Variants in GNPTG observed in about 807,000 individuals in gnomAD.
GNPTG encodes N-acetylglucosamine-1-phosphotransferase subunit gamma.
GNPTG carries 46 observed loss-of-function variants against 43.8 expected under a neutral mutation model. The observed-to-expected ratio is 1.05, with a 90% CI of 0.83 to 1.34. The LOEUF (loss-of-function observed/expected upper bound fraction) is 1.34. Ranked by LOEUF, GNPTG falls within the 40% of genes most tolerant of loss-of-function variation. The pLI is 0.00. For missense variants in GNPTG, 549 were observed against 411.3 expected (o/e 1.33, Z -2.90); for synonymous variants, 250 against 172.8 (o/e 1.45, Z -3.50).
Position 1,361,744 on chromosome 16 carries a change from A to T in GNPTG, c.180A>T (p.Gly60=), listed in dbSNP as rs767895135. Residue 60 remains glycine, a splice_region_variant and synonymous_variant, in exon 4 of 11, where the codon GGA becomes GGT. Coordinates refer to ENST00000204679, the MANE Select transcript of GNPTG (RefSeq NM_032520.5). The stretch of plus-strand genomic sequence containing the variant: ...GGATCAGTGTGAGGTCTCTTCCAGG[A>T]CCCGTGCATCTCTTCCGACTCTCGG... ...QAKRDPSPVS[G]PVHLFRLSGK... The T allele has an allele frequency of 3.1e-6, 5 of 1,613,634 alleles. No individual in the cohort carries two copies. The Admixed American group carries it at 8.3e-5, about 27-fold the overall frequency.
Position 1,363,327 on chromosome 16 carries a change from T to C in GNPTG, c.*236T>C. On this transcript the variant is annotated 3_prime_UTR_variant, in exon 11 of 11. Transcript: ENST00000204679. ...CAAGTGTTAACTTTAAACAGTTCGCTACAAGTAAATGATTATAAATACTAC... is the reference window on the plus strand; with the variant it reads ...CAAGTGTTAACTTTAAACAGTTCGCCACAAGTAAATGATTATAAATACTAC... 1.9e-6 allele frequency: 1 copy of C among 528,628 alleles called. No individual in the cohort carries two copies. Among genetic ancestry groups the C allele is most frequent in the East Asian group, 3.4e-5 (1 of 29,426 alleles). 32.7% of individuals were successfully genotyped at this position (528,628 alleles called of 1,614,324 possible). A position where few individuals can be genotyped will look rare whatever the true frequency, so the allele number is the denominator to read the frequency against.
Position 1,352,017 on chromosome 16 carries a change from GGT to G in GNPTG, c.52+2_52+3del. ...GTTGCTCCTCGGGCTCTCGGCCGGC[GGT>G]GAGTGGCCCGGCCGTCCGCGTCCCC... On this transcript the variant is annotated splice_donor_variant, in intron 1 of 10. Coordinates refer to ENST00000204679, the MANE Select transcript of GNPTG (RefSeq NM_032520.5). LOFTEE classifies it high-confidence loss of function. The G allele has an allele frequency of 6.8e-7, 1 of 1,472,318 alleles. No individual in the cohort carries two copies. Among genetic ancestry groups the G allele is most frequent in the South Asian group, 1.3e-5 (1 of 77,046 alleles). The allele number at this position is 1,472,318 out of a possible 1,614,324, so 91.2% of individuals were successfully genotyped here.
chr16:1,361,647 A>G, intron 3 of GNPTG, 96 bp from the exon 4 acceptor site: 1 of 1,392,538 alleles, frequency 7.2e-7, no homozygotes, highest in Non-Finnish European at 1.0e-6. Flanking sequence ...CCATCTCAAA[A>G]AAAAAGAAAA....
At position 1,361,786 on chromosome 16, in the gene GNPTG, G is replaced by T; in HGVS notation, c.222G>T (p.Leu74=). 1 of 1,614,202 alleles carries T rather than the reference G, an allele frequency of 6.2e-7. No individual in the cohort carries two copies. The highest frequency in any genetic ancestry group is 8.5e-7 in the Non-Finnish European group (1 of 1,180,054). The change falls in exon 4 of 11, where the codon CTG becomes CTT. Residue 74 remains leucine, a synonymous_variant. Transcript: ENST00000204679. ...GACTCTCGGGCAAGTGCTTCAGCCT[G>T]GTGGAGTCCACGTGAGTGCAGGGTG... is the stretch of plus-strand genomic sequence containing the variant. ...LFRLSGKCFS[L]VESTYKYEFC... is the part of the protein sequence containing the mutation.
At chr16:1,359,836 G>C (rs566317453) in intron 3 of GNPTG, among the ~76,000 whole-genome samples, 2 of 151,910 alleles carry the variant, frequency 1.3e-5, no homozygotes, top group Non-Finnish European at 2.9e-5. Flanking sequence ...CAGGCTGGGC[G>C]CTGGGGCTCA....
intron 3 of GNPTG, among the ~76,000 whole-genome samples, chr16:1,359,931 G>A (rs2034840860): frequency 6.6e-6 from 1 of 152,050 alleles, no homozygotes. Context: ...CCAACATGGA[G>A]AAACCCCGTC....
intron 3 of GNPTG, among the ~76,000 whole-genome samples, chr16:1,353,210 C>G (rs1464886608): frequency 1.3e-5 from 2 of 152,212 alleles, no homozygotes; most frequent in Non-Finnish European, 1.5e-5. Context: ...CTCCTGACCT[C>G]AAGTGATCCG....
intron 3 of GNPTG, chr16:1,358,821 A>G (rs1345899807): frequency 6.6e-6 from 1 of 151,446 alleles, no homozygotes; most frequent in Non-Finnish European, 1.5e-5. Context: ...GCATTTCCCT[A>G]ATGATCAGTC....
chr16:1,354,754 G>A (rs564623689), intron 3 of GNPTG, among the ~76,000 whole-genome samples: 4 of 152,338 alleles, frequency 2.6e-5, no homozygotes, highest in Admixed American at 1.3e-4. Context: ...ACCTTTGGAT[G>A]TAAGTGGCAC....
In GNPTG at chr16:1,357,045, G is replaced by T. The variant is rs191691793; in HGVS notation, c.179-4698G>T. Among the ~76,000 whole-genome samples, 815 of 152,308 alleles carry T rather than the reference G, an allele frequency of 5.4e-3. 7 individuals are homozygous for T. Among genetic ancestry groups the T allele is most frequent in the African/African-American group, 0.019 (771 of 41,564 alleles). On this transcript the variant is annotated intron_variant, in intron 3 of 10. Transcript: ENST00000204679. ...AAAGGCTTCCCTATGTGCCTGTTGG[G>T]CAGGGCCCTAGGGCCAGACTGGAGG... is the stretch of plus-strand genomic sequence containing the variant.
intron 3 of GNPTG, among the ~76,000 whole-genome samples, chr16:1,353,330 C>T (rs1438378156): frequency 6.6e-6 from 1 of 152,108 alleles, no homozygotes; most frequent in Non-Finnish European, 1.5e-5. Context: ...GCTGGGGTTG[C>T]AGAAACGAAC....
intron 3 of GNPTG, chr16:1,360,798 A>C (rs367600289): frequency 6.6e-6 from 1 of 152,254 alleles, no homozygotes; most frequent in East Asian, 1.9e-4. Context: ...CCATAGCTAG[A>C]AAGGCAACTG....
chr16:1,352,590 A>AGAC, intron 3 of GNPTG: 1 of 475,466 alleles, frequency 2.1e-6, no homozygotes, highest in Non-Finnish European at 3.8e-6. Flanking sequence ...GTGTCTATGC[A>AGAC]ACTGGAAAAC....
intron 3 of GNPTG, chr16:1,352,559 C>T: frequency 1.9e-6 from 1 of 532,736 alleles, no homozygotes; most frequent in Non-Finnish European, 3.4e-6. Flanking sequence ...TTTGCAGACG[C>T]GTTTCTGTGC....
rs1177391629 is a variant in GNPTG at position 1,362,116 on chromosome 16, G to A, written c.396G>A (p.Arg132=). The change falls in exon 6 of 11, where the codon CGG becomes CGA. Residue 132 remains arginine, a synonymous_variant. Coordinates refer to ENST00000204679, the MANE Select transcript of GNPTG (RefSeq NM_032520.5). ...GGGACGGTGACGCCTGCCGTTCCCG[G>A]AGCCGGCAGAGCAAGGTGGGGCCTC... is the stretch of plus-strand genomic sequence containing the variant. The part of the protein sequence containing the change: ...WMRDGDACRS[R]SRQSKVELAC... 2.5e-6 allele frequency: 4 copies of A among 1,612,438 alleles called. No individual in the cohort carries two copies. The highest frequency in any genetic ancestry group is 3.4e-6 in the Non-Finnish European group (4 of 1,179,508).
chr16:1,353,525 G>A (rs992213344), intron 3 of GNPTG, among the ~76,000 whole-genome samples: 15 of 152,260 alleles, frequency 9.9e-5, no homozygotes, highest in South Asian at 6.2e-4. Context: ...TTGGGGGATC[G>A]CTTTTTTTAT....
At chr16:1,357,048 G>A (rs2034791310) in intron 3 of GNPTG, among the ~76,000 whole-genome samples, 1 of 152,190 alleles carries the variant, frequency 6.6e-6, no homozygotes, top group African/African-American at 2.4e-5. Context: ...CTGTTGGGCA[G>A]GGCCCTAGGG....
In GNPTG at chr16:1,361,923, C is replaced by T. The variant is rs765847099; in HGVS notation, c.285C>T (p.Thr95=). ...ACAACGTGACCCAGCACGAGCAGAC[C>T]TTCCGCTGGAACGCCTACAGTGGGA... is the stretch of plus-strand genomic sequence containing the variant. The part of the protein sequence containing the change: ...PFHNVTQHEQ[T]FRWNAYSGIL... The change falls in exon 5 of 11, where the codon ACC becomes ACT. Residue 95 remains threonine (T), a synonymous_variant. Transcript: ENST00000204679. 7 of 1,613,714 alleles carry T rather than the reference C, an allele frequency of 4.3e-6. No individual in the cohort carries two copies. In the Admixed American group the frequency reaches 6.7e-5, roughly 15 times the overall value.
At chr16:1,360,233 CTT>C (rs1382477031) in intron 3 of GNPTG, among the ~76,000 whole-genome samples, 1 of 152,188 alleles carries the variant, frequency 6.6e-6, no homozygotes, top group Non-Finnish European at 1.5e-5. Flanking sequence ...ATCTTTGTCT[CTT>C]AAAATAGTTT....
Sources: allele counts gnomAD v4.1 joint callset (sites outside exome capture counted in the v4.1 genomes callset), GRCh38; gene constraint gnomAD v4.1.1; transcripts MANE v1.5; gene names NCBI Gene and HGNC (gene_info 2026-07-23, HGNC 2026-07-21).